Variants in NFILZ observed in about 807,000 individuals in gnomAD.
The protein encoded by NFILZ is NFIL3 like protein.
At chr19:8,636,623 T>C (rs571756712) in intron 3 of NFILZ, among the ~76,000 whole-genome samples, 1 of 151,092 alleles carries the variant, frequency 6.6e-6, no homozygotes. Context: ...TTTTTTTTTT[T>C]AATTTTTATT....
Position 8,649,700 on chromosome 19 carries a change from G to A in NFILZ, c.-164+13954G>A, listed in dbSNP as rs576551563. On this transcript the variant is annotated intron_variant, in intron 3 of 5. Transcript: ENST00000691075. Reference sequence around the variant, plus strand: ...CTGGGCAGGGTGGGGAAAGCAGTTTGCCTCACATTGTCTGCAGAGAATTGA... The same window carrying A: ...CTGGGCAGGGTGGGGAAAGCAGTTTACCTCACATTGTCTGCAGAGAATTGA... Among the ~76,000 whole-genome samples, 7 of 152,260 alleles carry A rather than the reference G, an allele frequency of 4.6e-5. No homozygotes were observed. In the East Asian group the frequency reaches 7.7e-4, roughly 17 times the overall value.
chr19:8,672,955 G>A (rs2043095133), intron 3 of NFILZ, among the ~76,000 whole-genome samples: 2 of 152,080 alleles, frequency 1.3e-5, no homozygotes, highest in South Asian at 4.1e-4. Context: ...CTCATGGTGG[G>A]TTTGTGGGGG....
intron 3 of NFILZ, among the ~76,000 whole-genome samples, chr19:8,655,231 C>T (rs1555748202): frequency 6.6e-6 from 1 of 152,144 alleles, no homozygotes; most frequent in East Asian, 1.9e-4. Context: ...AGGAGAGTGT[C>T]CTCAGATGTA....
intron 3 of NFILZ, among the ~76,000 whole-genome samples, chr19:8,636,321 G>T (rs1009112402): frequency 6.6e-6 from 1 of 150,934 alleles, no homozygotes. Context: ...GGTGGCACAC[G>T]CCTGTAGTCC....
chr19:8,646,388 G>A (rs1172648023), intron 3 of NFILZ, among the ~76,000 whole-genome samples: 4 of 152,086 alleles, frequency 2.6e-5, no homozygotes, highest in East Asian at 1.9e-4. Context: ...AAGCTGGGGC[G>A]CAGAGAGGTT....
intron 3 of NFILZ, among the ~76,000 whole-genome samples, chr19:8,653,035 T>C (rs1233722042): frequency 3.3e-4 from 23 of 69,674 alleles, no homozygotes; most frequent in Admixed American, 6.8e-4. Flanking sequence ...TTTCTTTCTT[T>C]CTTTCTCTCT....
At chr19:8,674,627 G>A (rs1408977843) in intron 4 of NFILZ, among the ~76,000 whole-genome samples, 27 bp downstream of exon 4, 1 of 148,910 alleles carries the variant, frequency 6.7e-6, no homozygotes, top group Non-Finnish European at 1.5e-5. Context: ...AAACATTTTT[G>A]TATTCTTTTT....
chr19:8,639,278 G>A (rs1055369345), intron 3 of NFILZ, among the ~76,000 whole-genome samples: 1 of 152,064 alleles, frequency 6.6e-6, no homozygotes, highest in Non-Finnish European at 1.5e-5. Context: ...AAGATCTCAA[G>A]AGTTACAGGC....
intron 3 of NFILZ, among the ~76,000 whole-genome samples, chr19:8,652,907 CCTTCTCTCTCTCT>C (rs1297907257): frequency 6.8e-6 from 1 of 146,968 alleles, no homozygotes; most frequent in Non-Finnish European, 1.5e-5. Context: ...TTCCCTCCCT[CCTTCTCTCTCTCT>C]CTTCTCTCTC....
chr19:8,635,733 G>C lies in NFILZ; in HGVS notation c.-177G>C, dbSNP rs1223364503. 2 of 152,182 alleles carry C rather than the reference G, an allele frequency of 1.3e-5. No individual in the cohort carries two copies. The highest frequency in any genetic ancestry group is 2.9e-5 in the Non-Finnish European group (2 of 68,034). The allele number at this position is 152,182 out of a possible 1,614,324, so 9.4% of individuals were successfully genotyped here. ...TAATGTGCCAGACGTTGATGTGCAA[G>C]TTTTGGTGTGAGGGTAAGTTTCCAT... On this transcript the variant is annotated 5_prime_UTR_variant, in exon 3 of 6. Coordinates refer to ENST00000691075, the MANE Select transcript of NFILZ (RefSeq NM_001378600.1).
intron 3 of NFILZ, among the ~76,000 whole-genome samples, chr19:8,660,164 C>T (rs913541242): frequency 1.6e-4 from 24 of 152,196 alleles, no homozygotes; most frequent in Non-Finnish European, 2.8e-4. Context: ...GGCACCAAAC[C>T]CACCTGTGAC....
chr19:8,673,221 C>T (rs1432999982), intron 3 of NFILZ, among the ~76,000 whole-genome samples: 1 of 152,112 alleles, frequency 6.6e-6, no homozygotes, highest in Non-Finnish European at 1.5e-5. Flanking sequence ...GGGTCAGCCA[C>T]TTAACTTTTC....
intron 3 of NFILZ, among the ~76,000 whole-genome samples, chr19:8,648,526 A>C (rs561121628): frequency 6.6e-6 from 1 of 152,130 alleles, no homozygotes; most frequent in African/African-American, 2.4e-5. Flanking sequence ...TACACAAAAA[A>C]GGCAGATGTG....
At chr19:8,669,151 G>T (rs1361452052) in intron 3 of NFILZ, among the ~76,000 whole-genome samples, 1 of 152,152 alleles carries the variant, frequency 6.6e-6, no homozygotes, top group Non-Finnish European at 1.5e-5. Context: ...CGCCATGTTG[G>T]CCAGGCTGGT....
At chr19:8,652,114 T>C (rs1301371848) in intron 3 of NFILZ, among the ~76,000 whole-genome samples, 1 of 151,960 alleles carries the variant, frequency 6.6e-6, no homozygotes, top group African/African-American at 2.4e-5. Context: ...TTTTTTTTTT[T>C]TTTTTTGAAA....
At chr19:8,671,090 AG>A (rs2043084681) in intron 3 of NFILZ, among the ~76,000 whole-genome samples, 1 of 151,916 alleles carries the variant, frequency 6.6e-6, no homozygotes, top group South Asian at 2.1e-4. Flanking sequence ...GTGACTTTAG[AG>A]GGGATGAGCT....
chr19:8,668,662 CT>C (rs2146169488), intron 3 of NFILZ, among the ~76,000 whole-genome samples: 1 of 152,238 alleles, frequency 6.6e-6, no homozygotes, highest in South Asian at 2.1e-4. Flanking sequence ...CACGTGCATG[CT>C]TTTGACCTTA....
chr19:8,655,031 G>T (rs1475981428), intron 3 of NFILZ, among the ~76,000 whole-genome samples: 1 of 152,202 alleles, frequency 6.6e-6, no homozygotes, highest in Non-Finnish European at 1.5e-5. Context: ...TTCTGCCTGG[G>T]ATGCCCTTTC....
At chr19:8,647,579 C>CG in intron 3 of NFILZ, among the ~76,000 whole-genome samples, 1 of 147,610 alleles carries the variant, frequency 6.8e-6, no homozygotes, top group East Asian at 2.5e-4. Flanking sequence ...TCCCCGCACC[C>CG]CCCCCCCCAA....
Sources: allele counts gnomAD v4.1 joint callset (sites outside exome capture counted in the v4.1 genomes callset), GRCh38; gene constraint gnomAD v4.1.1; transcripts MANE v1.5; gene names NCBI Gene and HGNC (gene_info 2026-07-23, HGNC 2026-07-21).